The following LAMA4 variants were observed in gnomAD, a reference collection of about 807,000 sequenced individuals.
LAMA4 encodes the protein laminin subunit alpha 4.
Under a neutral mutation model 207.1 loss-of-function variants are expected in LAMA4, and 127 were observed. The ratio of observed to expected loss-of-function variants is 0.61; its 90% CI spans 0.53 to 0.71. LAMA4 has a LOEUF of 0.71. Ranked by LOEUF, LAMA4 falls within the 30% of genes least tolerant of loss-of-function variation. The pLI is 0.00. For missense variants in LAMA4, 2,093 were observed against 2,246.5 expected, an observed-to-expected ratio of 0.93 and a Z score of 1.38; for synonymous variants, 761 against 816.0, an observed-to-expected ratio of 0.93 and a Z score of 1.15.
chr6:112,189,036 T>A, intron 7 of LAMA4, 74 bp downstream of exon 7: 1 of 1,101,392 alleles, frequency 9.1e-7, no homozygotes, highest in Non-Finnish European at 1.4e-6. Flanking sequence ...TGATATTGCA[T>A]AGCTTTTCTT....
At chr6:112,150,477 A>C in intron 17 of LAMA4, 34 bp downstream of exon 17, 1 of 1,299,996 alleles carries the variant, frequency 7.7e-7, no homozygotes, top group Non-Finnish European at 1.1e-6. Context: ...CCAGTGAATC[A>C]ACAGATGAGA....
At position 112,207,047 on chromosome 6, in the gene LAMA4, G is replaced by T; in HGVS notation, c.396C>A (p.Cys132Ter). The part of the protein sequence containing the change: ...IRGAPQFCQP[C>*]PCPLPHLANF... Reference sequence around the variant, plus strand: ...TGGCCAAGTGGGGCAGGGGACAGGGGCACGGCTGGCAGAATTGGGGTGCTC... The same window carrying T: ...TGGCCAAGTGGGGCAGGGGACAGGGTCACGGCTGGCAGAATTGGGGTGCTC... The change falls in exon 4 of 39, where the codon TGC becomes TGA. Residue 132 changes from cysteine to a stop codon, truncating the protein, a stop_gained. Coordinates refer to ENST00000230538, the MANE Select transcript of LAMA4 (RefSeq NM_001105206.3). LOFTEE classifies it high-confidence loss of function. The T allele has an allele frequency of 6.2e-7, 1 of 1,613,910 alleles. No homozygotes were observed. Among genetic ancestry groups the T allele is most frequent in the Non-Finnish European group, 8.5e-7 (1 of 1,179,952 alleles).
chr6:112,209,123 A>G (rs1035600677), intron 3 of LAMA4, among the ~76,000 whole-genome samples: 16 of 152,186 alleles, frequency 1.1e-4, no homozygotes, highest in African/African-American at 3.9e-4. Flanking sequence ...GGAAAAACCA[A>G]TGAGCCTTAC....
intron 31 of LAMA4, among the ~76,000 whole-genome samples, chr6:112,126,888 T>G (rs2114624251): frequency 6.6e-6 from 1 of 152,344 alleles, no homozygotes; most frequent in East Asian, 1.9e-4. Flanking sequence ...TTTGTGGGAG[T>G]GTAAATTGGT....
Position 112,154,912 on chromosome 6 carries a change from A to T in LAMA4, c.1995T>A (p.His665Gln). The T allele has an allele frequency of 1.2e-6, 2 of 1,613,496 alleles. No individual in the cohort carries two copies. The highest frequency in any genetic ancestry group is 1.7e-6 in the Non-Finnish European group (2 of 1,179,466). ...TGAGGAGGTTCTCACTTTCATCTTT[A>T]TGGTAAATGATTTGAGTATCAATCC... ...VSGIDTQIIY[H>Q]KDESENLLNQ... The change falls in exon 16 of 39, where the codon CAT (histidine) becomes CAA (glutamine). Residue 665 changes from histidine to glutamine, a missense_variant. This residue lies in a region of LAMA4 where 1,704 missense variants were observed against 1,788.4 expected (regional missense o/e 0.95). Coordinates refer to ENST00000230538, the MANE Select transcript of LAMA4 (RefSeq NM_001105206.3).
At chr6:112,227,347 G>A (rs1397064587) in intron 2 of LAMA4, among the ~76,000 whole-genome samples, 3 of 152,054 alleles carry the variant, frequency 2.0e-5, no homozygotes, top group Non-Finnish European at 4.4e-5. Context: ...GGGATTACAG[G>A]GGTGAACCAC....
chr6:112,206,182 A>G (rs1171316081), intron 4 of LAMA4, among the ~76,000 whole-genome samples: 5 of 152,168 alleles, frequency 3.3e-5, no homozygotes, highest in Admixed American at 2.0e-4. Flanking sequence ...TCAAATTTAC[A>G]GTCTTCTGGG....
At position 112,253,903 on chromosome 6, in the gene LAMA4, G is replaced by A. The variant is rs782249508; in HGVS notation, c.195+53C>T. The stretch of plus-strand genomic sequence containing the variant: ...GAGAGAGAAGGACGAGTGTGGCACA[G>A]CCCGCGGGGGCGCAGGTGCCCCAGC... On this transcript the variant is annotated intron_variant, in intron 2 of 38. Transcript: ENST00000230538. The A allele has an allele frequency of 2.5e-6, 4 of 1,613,536 alleles. No individual in the cohort carries two copies. The South Asian group carries it at 4.4e-5, about 18-fold the overall frequency.
chr6:112,172,718 T>G lies in LAMA4; in HGVS notation c.1444A>C (p.Asn482His), dbSNP rs782319667. 3 of 1,613,938 alleles carry G rather than the reference T, an allele frequency of 1.9e-6. No homozygotes were observed. Among genetic ancestry groups the G allele is most frequent in the East Asian group, 4.5e-5 (2 of 44,864 alleles). ...PVVLEQLDDY[N>H]AKLSDLQEAL... ...TCCTGGAGATCTGACAACTTAGCAT[T>G]GTAGTCATCCAGCTGCTCCAGGACG... Residue 482 changes from asparagine to histidine, a missense_variant, in exon 12 of 39, where the codon AAT becomes CAT. Asn to His is a moderately conservative substitution (Grantham distance 68). Transcript: ENST00000230538.
intron 31 of LAMA4, among the ~76,000 whole-genome samples, chr6:112,125,247 G>A (rs1554327234): frequency 6.6e-6 from 1 of 152,060 alleles, no homozygotes; most frequent in African/African-American, 2.4e-5. Context: ...TTTCCTCTGT[G>A]TATAATTAAC....
chr6:112,115,722 A>G lies in LAMA4; in HGVS notation c.5112+141T>C, dbSNP rs907837950. ...GAAGCTGAATCCAAATATTGCCCAC[A>G]TTTACATTTCATGTTATAGCTTTCC... On this transcript the variant is annotated intron_variant, in intron 36 of 38. Transcript: ENST00000230538. 55 of 944,498 alleles carry G rather than the reference A, an allele frequency of 5.8e-5. No individual in the cohort carries two copies. In the South Asian group the frequency reaches 7.1e-4, roughly 12 times the overall value. 58.5% of individuals were successfully genotyped at this position (944,498 alleles called of 1,614,324 possible).
At chr6:112,221,800 T>G (rs1304055423) in intron 2 of LAMA4, among the ~76,000 whole-genome samples, 6 of 152,210 alleles carry the variant, frequency 3.9e-5, no homozygotes, top group African/African-American at 1.4e-4. Context: ...AAGAATCAGA[T>G]AGTATTCAAG....
intron 27 of LAMA4, among the ~76,000 whole-genome samples, chr6:112,133,143 C>A (rs1408139377): frequency 6.6e-6 from 1 of 152,076 alleles, no homozygotes; most frequent in Non-Finnish European, 1.5e-5. Context: ...GATGCCCCAC[C>A]CATGGAAAAC....
intron 2 of LAMA4, among the ~76,000 whole-genome samples, chr6:112,220,606 T>A (rs1397070918): frequency 1.3e-5 from 2 of 152,064 alleles, no homozygotes; most frequent in Non-Finnish European, 2.9e-5. Context: ...GATATAGTTA[T>A]AATGAATTAA....
intron 13 of LAMA4, 158 bp from the exon 14 acceptor site, chr6:112,159,038 T>G: frequency 1.6e-6 from 1 of 616,044 alleles, no homozygotes; most frequent in East Asian, 2.8e-5. Context: ...ATATGTCTAT[T>G]TATCCCGCAT....
Position 112,254,235 on chromosome 6 carries a change from C to A in LAMA4, c.-85G>T. On this transcript the variant is annotated 5_prime_UTR_variant, in exon 2 of 39. An upstream open reading frame in the 5' UTR gains an earlier in-frame stop. Transcript: ENST00000230538. Reference sequence around the variant, plus strand: ...TCTCCCGCGTGGTGCGGCGGTGCCTCGCTTATTTTCCCTCCTCTCCGTGTG... The same window carrying A: ...TCTCCCGCGTGGTGCGGCGGTGCCTAGCTTATTTTCCCTCCTCTCCGTGTG... 6.4e-7 allele frequency: 1 copy of A among 1,555,170 alleles called. No homozygotes were observed.
At chr6:112,146,595 G>C (rs1780045331) in intron 18 of LAMA4, among the ~76,000 whole-genome samples, 1 of 145,866 alleles carries the variant, frequency 6.9e-6, no homozygotes, top group Non-Finnish European at 1.5e-5. Context: ...TACTTTTGAG[G>C]TATTCTCTTT....
intron 2 of LAMA4, among the ~76,000 whole-genome samples, chr6:112,225,359 T>C (rs1583943107): frequency 1.3e-5 from 2 of 152,288 alleles, no homozygotes; most frequent in East Asian, 3.9e-4. Context: ...ATATATAACA[T>C]AAAAAGAAAA....
chr6:112,241,128 A>AATATATAT (rs1335468210), intron 2 of LAMA4, among the ~76,000 whole-genome samples: 1 of 103,776 alleles, frequency 9.6e-6, no homozygotes, highest in Non-Finnish European at 2.1e-5. Context: ...TATATATATG[A>AATATATAT]ATATATAGGA....
Sources: allele counts gnomAD v4.1 joint callset (sites outside exome capture counted in the v4.1 genomes callset), GRCh38; gene constraint gnomAD v4.1.1; regional missense constraint gnomAD v4.1.1; transcripts MANE v1.5; gene names NCBI Gene and HGNC (gene_info 2026-07-23, HGNC 2026-07-21).